The following DPH6 variants were observed in gnomAD, a reference collection of about 807,000 sequenced individuals.
DPH6 encodes diphthine--ammonia ligase.
Under a neutral mutation model 38.2 loss-of-function variants are expected in DPH6, and 33 were observed. The ratio of observed to expected loss-of-function variants is 0.86; its 90% CI spans 0.65 to 1.15. The LOEUF (loss-of-function observed/expected upper bound fraction) is 1.15, where lower values mean the gene tolerates loss of function less well. DPH6 is among the 50% of genes most tolerant of loss of function. DPH6 has a pLI of 0.00. For missense variants in DPH6, 325 were observed against 320.0 expected, an observed-to-expected ratio of 1.02 and a Z score of -0.12; for synonymous variants, 108 against 103.0, an observed-to-expected ratio of 1.05 and a Z score of -0.30.
chr15:35,492,075 G>A lies in DPH6; in HGVS notation c.313-37255C>T, dbSNP rs534270394. ...TTAGTTTGAAGGCTTAAGAGCCAGA[G>A]AGCCAGTGGTGTAGATTCCAGTCCA... On this transcript the variant is annotated intron_variant, in intron 3 of 8. Coordinates refer to ENST00000256538, the MANE Select transcript of DPH6 (RefSeq NM_080650.4). Among the ~76,000 whole-genome samples the A allele has an allele frequency of 8.5e-5, 13 of 152,200 alleles. 1 individual carries two copies. In the East Asian group the frequency reaches 1.7e-3, roughly 20 times the overall value.
intron 3 of DPH6, among the ~76,000 whole-genome samples, chr15:35,267,494 GTCTC>G (rs2140423745): frequency 6.6e-6 from 1 of 152,224 alleles, no homozygotes; most frequent in South Asian, 2.1e-4. Flanking sequence ...CTGTCTCTTG[GTCTC>G]TCTATCTTCC....
chr15:35,364,766 T>G (rs1037974287), intron 3 of DPH6, among the ~76,000 whole-genome samples: 1 of 152,036 alleles, frequency 6.6e-6, no homozygotes, highest in Non-Finnish European at 1.5e-5. Context: ...ACTTTTATTT[T>G]GTTTGGGGTT....
At chr15:35,374,844 C>T (rs779008240) in intron 7 of DPH6, among the ~76,000 whole-genome samples, 1 of 151,966 alleles carries the variant, frequency 6.6e-6, no homozygotes, top group Non-Finnish European at 1.5e-5. Flanking sequence ...AGAGGAGGCC[C>T]TCCTGCTTGC....
intron 7 of DPH6, among the ~76,000 whole-genome samples, chr15:35,375,181 G>A (rs112668362): frequency 6.2e-4 from 95 of 152,048 alleles, no homozygotes; most frequent in Non-Finnish European, 1.1e-3. Context: ...TCTCATGTCA[G>A]TTATCACCAC....
chr15:35,542,967 A>ATATATATATATATATATATATATAT (rs1566946762), intron 1 of DPH6, among the ~76,000 whole-genome samples: 6 of 15,576 alleles, frequency 3.9e-4, no homozygotes, highest in Admixed American at 7.2e-4. Context: ...TATATATATA[A>ATATATATATATATATATATATATAT]AATAATTTCA....
chr15:35,263,653 T>C (rs564761435), intron 3 of DPH6, among the ~76,000 whole-genome samples: 1 of 152,194 alleles, frequency 6.6e-6, no homozygotes, highest in African/African-American at 2.4e-5. Context: ...TCCTCCGACC[T>C]AGGCCTCCCA....
chr15:35,355,096 T>A (rs936014508), intron 3 of DPH6, among the ~76,000 whole-genome samples: 13 of 152,238 alleles, frequency 8.5e-5, no homozygotes, highest in Non-Finnish European at 1.6e-4. Flanking sequence ...TATCATAGAC[T>A]AGGATTGCAA....
chr15:35,223,349 T>C (rs1441951450), intron 3 of DPH6, among the ~76,000 whole-genome samples: 2 of 152,146 alleles, frequency 1.3e-5, no homozygotes, highest in East Asian at 1.9e-4. Flanking sequence ...GGAGCTCTAA[T>C]GGACTCATCA....
chr15:35,476,792 CAA>C (rs1157584702), intron 3 of DPH6, among the ~76,000 whole-genome samples: 1 of 151,704 alleles, frequency 6.6e-6, no homozygotes, highest in African/African-American at 2.4e-5. Context: ...TTATAAGTAA[CAA>C]TGCATTTATT....
At chr15:35,474,993 A>G (rs1399042503) in intron 3 of DPH6, among the ~76,000 whole-genome samples, 1 of 152,068 alleles carries the variant, frequency 6.6e-6, no homozygotes, top group Non-Finnish European at 1.5e-5. Flanking sequence ...ACAGCTGGAA[A>G]AAAAAGCTTA....
intron 3 of DPH6, among the ~76,000 whole-genome samples, chr15:35,482,253 G>C (rs58387572): frequency 0.26 from 40,180 of 152,062 alleles, 9,347 homozygotes; most frequent in African/African-American, 0.64. Context: ...AGCGATATAT[G>C]TTCAGACTAT....
chr15:35,195,220 C>T, the DPH6 span, among the ~76,000 whole-genome samples: 1 of 152,158 alleles, frequency 6.6e-6, no homozygotes, highest in Non-Finnish European at 1.5e-5. Flanking sequence ...CCTTCAGTTC[C>T]ATCCATGTGG....
chr15:35,430,668 C>A (rs1013394645), intron 5 of DPH6, among the ~76,000 whole-genome samples: 3 of 152,118 alleles, frequency 2.0e-5, no homozygotes, highest in African/African-American at 4.8e-5. Flanking sequence ...ATGTTTTCAA[C>A]TGCTTAATAC....
intron 7 of DPH6, among the ~76,000 whole-genome samples, chr15:35,378,912 G>A (rs1595512220): frequency 6.6e-6 from 1 of 152,078 alleles, no homozygotes; most frequent in Non-Finnish European, 1.5e-5. Context: ...ACCATGGCAC[G>A]TGTATACCTA....
At chr15:35,421,088 C>G (rs922190463) in intron 5 of DPH6, among the ~76,000 whole-genome samples, 2 of 152,156 alleles carry the variant, frequency 1.3e-5, no homozygotes, top group Non-Finnish European at 2.9e-5. Context: ...AAGACTGAAT[C>G]ACAAAGAAGC....
intron 7 of DPH6, among the ~76,000 whole-genome samples, chr15:35,376,571 G>C (rs563270273): frequency 2.6e-4 from 39 of 152,222 alleles, no homozygotes; most frequent in Admixed American, 1.4e-3. Context: ...GTAGTGTACA[G>C]TAATGTCCTA....
At chr15:35,288,656 T>C (rs1226734952) in intron 3 of DPH6, among the ~76,000 whole-genome samples, 1 of 152,196 alleles carries the variant, frequency 6.6e-6, no homozygotes, top group African/African-American at 2.4e-5. Flanking sequence ...TGCTCCAAGA[T>C]GCATCGCTCT....
At chr15:35,306,096 C>T (rs1595469733) in intron 3 of DPH6, among the ~76,000 whole-genome samples, 2 of 152,142 alleles carry the variant, frequency 1.3e-5, no homozygotes, top group African/African-American at 4.8e-5. Flanking sequence ...GATTGATGTG[C>T]TAGTCTGGTG....
chr15:35,521,670 T>C, intron 3 of DPH6: 1 of 1,230,666 alleles, frequency 8.1e-7, no homozygotes, highest in Non-Finnish European at 1.0e-6. Flanking sequence ...ACTAGATATT[T>C]TAGTTTACTA....
Sources: allele counts gnomAD v4.1 joint callset (sites outside exome capture counted in the v4.1 genomes callset), GRCh38; gene constraint gnomAD v4.1.1; transcripts MANE v1.5; gene names NCBI Gene and HGNC (gene_info 2026-07-23, HGNC 2026-07-21).